Variants in ANKRD36C observed in about 807,000 individuals in gnomAD.
ANKRD36C encodes the protein ankyrin repeat domain-containing protein 36C.
A neutral mutation model predicts 276.4 loss-of-function variants in ANKRD36C; 61 were observed. That is an observed-to-expected ratio of 0.22 (90% CI 0.18 to 0.27). The LOEUF is 0.27. Ranked by LOEUF, ANKRD36C falls within the 10% of genes least tolerant of loss-of-function variation. The pLI is 1.00. For synonymous variants in ANKRD36C, 483 were observed against 680.1 expected (o/e 0.71, Z 4.51); for missense variants, 1,447 against 2,032.3 (o/e 0.71, Z 5.54).
At chr2:95,908,348 T>C (rs1234005600) in intron 42 of ANKRD36C, among the ~76,000 whole-genome samples, 154 bp downstream of exon 48, 2 of 151,016 alleles carry the variant, frequency 1.3e-5, no homozygotes, top group Non-Finnish European at 3.0e-5. Flanking sequence ...ACCAGCAGCA[T>C]CATCATCACC....
Position 95,885,966 on chromosome 2 carries a change from G to A in ANKRD36C, c.3163+82C>T, listed in dbSNP as rs899091524. On this transcript the variant is annotated intron_variant, in intron 52 of 66. Coordinates refer to ENST00000456556, the Ensembl canonical transcript of ANKRD36C. ...CTGAATCCAAACATAAAGCTTCAATGAACCCCCCGCTGATTTATTTGGGGA... is the reference window on the plus strand; with the variant it reads ...CTGAATCCAAACATAAAGCTTCAATAAACCCCCCGCTGATTTATTTGGGGA... 7.7e-6 allele frequency: 12 copies of A among 1,558,134 alleles called. No homozygotes were observed. In the East Asian group the frequency reaches 2.9e-4, roughly 37 times the overall value.
intron 54 of ANKRD36C, among the ~76,000 whole-genome samples, chr2:95,882,867 T>G (rs1055545476): frequency 2.0e-5 from 3 of 152,160 alleles, no homozygotes; most frequent in Non-Finnish European, 4.4e-5. Context: ...TGCTACTGCA[T>G]GTTTTTCATG....
In ANKRD36C at chr2:95,856,185, G is replaced by C; in HGVS notation, c.4081-5C>G. 1.9e-6 allele frequency: 3 copies of C among 1,572,986 alleles called. No homozygotes were observed. Among genetic ancestry groups the C allele is most frequent in the Non-Finnish European group, 1.7e-6 (2 of 1,163,254 alleles). Reference sequence around the variant, plus strand: ...TTTTTCATCAGTTTCAGAAACCTAAGTAAAACAAAGCAAACTTGTAACTAG... The same window carrying C: ...TTTTTCATCAGTTTCAGAAACCTAACTAAAACAAAGCAAACTTGTAACTAG... On this transcript the variant is annotated splice_region_variant and splice_polypyrimidine_tract_variant and intron_variant, in intron 62 of 66. Coordinates refer to ENST00000456556, the Ensembl canonical transcript of ANKRD36C.
At chr2:95,857,235 C>A (rs561873713) in intron 62 of ANKRD36C, 74 bp downstream of exon 82, 2 of 1,547,450 alleles carry the variant, frequency 1.3e-6, no homozygotes, top group South Asian at 1.3e-5. Flanking sequence ...AAATAATGTA[C>A]ATTAAACAAA....
At chr2:95,861,243 G>C (rs1362387753) in intron 60 of ANKRD36C, among the ~76,000 whole-genome samples, 1 of 151,812 alleles carries the variant, frequency 6.6e-6, no homozygotes, top group Non-Finnish European at 1.5e-5. Flanking sequence ...AAATTACATT[G>C]TCACAAATAA....
At chr2:95,853,512 G>A (rs796453288) in intron 64 of ANKRD36C, 197 bp downstream of exon 84, 4 of 435,074 alleles carry the variant, frequency 9.2e-6, no homozygotes, top group East Asian at 4.1e-5. Context: ...AGATATAGGT[G>A]CATTATAATA....
At chr2:95,922,402 C>A (rs1677296768) in intron 32 of ANKRD36C, among the ~76,000 whole-genome samples, 2 of 151,552 alleles carry the variant, frequency 1.3e-5, no homozygotes, top group Non-Finnish European at 3.0e-5. Flanking sequence ...CCATGTGGTG[C>A]AACAATTTGC....
exon 66 of ANKRD36C, chr2:95,851,731 A>G (rs778787782): frequency 2.7e-5 from 42 of 1,532,868 alleles, no homozygotes; most frequent in Non-Finnish European, 3.5e-5. Flanking sequence ...AAACCGCTCA[A>G]TTTGTTCATC....
At chr2:95,884,426 A>G in intron 52 of ANKRD36C, 58 bp from the exon 73 acceptor site, 4 of 1,607,426 alleles carry the variant, frequency 2.5e-6, no homozygotes. Flanking sequence ...AGTTATTCAT[A>G]CATTCATGCA....
rs1316549622 is a variant in ANKRD36C, at chr2:95,913,272, C to T, written c.2551+836G>A. Among the ~76,000 whole-genome samples, 3 of 150,126 alleles carry T rather than the reference C, an allele frequency of 2.0e-5. No homozygotes were observed. The East Asian group carries it at 5.9e-4, about 30-fold the overall frequency. On this transcript the variant is annotated intron_variant, in intron 40 of 66. Coordinates refer to ENST00000456556, the Ensembl canonical transcript of ANKRD36C. ...GAGTTAGTTAGAATTCAACATCATT[C>T]TTGTGTCTAAAATACTCTTGTTGGG... is the stretch of plus-strand genomic sequence containing the variant.
chr2:95,914,413 G>T, intron 38 of ANKRD36C, 110 bp from the exon 41 acceptor site: 1 of 1,357,416 alleles, frequency 7.4e-7, no homozygotes, highest in Non-Finnish European at 1.0e-6. Flanking sequence ...TATTAGCGTA[G>T]TCTTTGATGG....
intron 19 of ANKRD36C, 95 bp downstream of exon 19, chr2:95,944,532 G>T (rs1458458721): frequency 3.2e-6 from 4 of 1,254,188 alleles, no homozygotes; most frequent in Non-Finnish European, 4.4e-6. Flanking sequence ...ATTTACCATT[G>T]TAAAATTAAA....
At chr2:95,874,625 ACTTCATGT>A (rs1380851562) in intron 59 of ANKRD36C, among the ~76,000 whole-genome samples, 33 of 152,240 alleles carry the variant, frequency 2.2e-4, no homozygotes, top group Non-Finnish European at 5.9e-5. Context: ...ATGGGCAAGG[ACTTCATGT>A]CTAAAACACC....
intron 6 of ANKRD36C, among the ~76,000 whole-genome samples, chr2:95,971,371 AC>A (rs1453688549): frequency 6.7e-6 from 1 of 148,516 alleles, no homozygotes; most frequent in Admixed American, 6.8e-5. Context: ...TAACAAATGT[AC>A]CACTCAGGTG....
At chr2:95,893,403 C>G in intron 44 of ANKRD36C, 130 bp downstream of exon 64, 1 of 1,332,578 alleles carries the variant, frequency 7.5e-7, no homozygotes, top group East Asian at 2.5e-5. Flanking sequence ...GAACTTACTA[C>G]AAATGAAGAA....
exon 1 of ANKRD36C, chr2:95,991,763 T>C: frequency 6.4e-7 from 1 of 1,562,032 alleles, no homozygotes; most frequent in Non-Finnish European, 8.7e-7. Flanking sequence ...CCTTCGGGGA[T>C]CGCCGCCTCC....
chr2:95,957,188 C>T (rs557136786), intron 12 of ANKRD36C, among the ~76,000 whole-genome samples: 4 of 152,308 alleles, frequency 2.6e-5, no homozygotes, highest in Admixed American at 2.0e-4. Context: ...GTGGTGCACA[C>T]CTCTAAACTC....
chr2:95,855,956 C>G, exon 63 of ANKRD36C: 1 of 1,613,352 alleles, frequency 6.2e-7, no homozygotes, highest in Non-Finnish European at 8.5e-7. Context: ...GAGCAGCAAG[C>G]TGTCCACTAT....
At chr2:95,956,564 T>G (rs1678332008) in intron 13 of ANKRD36C, among the ~76,000 whole-genome samples, 1 of 152,260 alleles carries the variant, frequency 6.6e-6, no homozygotes, top group Non-Finnish European at 1.5e-5. Flanking sequence ...TGTGGAATCA[T>G]GAGCCAATAT....
Sources: allele counts gnomAD v4.1 joint callset (sites outside exome capture counted in the v4.1 genomes callset), GRCh38; gene constraint gnomAD v4.1.1; transcripts MANE v1.5; gene names NCBI Gene and HGNC (gene_info 2026-07-23, HGNC 2026-07-21).